ANGPT1: variants seen among roughly 807,000 people sequenced by gnomAD.
ANGPT1 encodes angiopoietin-1.
A neutral mutation model predicts 62.2 loss-of-function variants in ANGPT1; 17 were observed. The ratio of observed to expected loss-of-function variants is 0.27; its 90% CI spans 0.19 to 0.41. ANGPT1 has a LOEUF of 0.41. ANGPT1 is among the 10% of genes least tolerant of loss of function. The probability of loss-of-function intolerance (pLI) is 1.00; values close to 1 mark genes in which losing one functional copy is unlikely to be tolerated. For missense variants in ANGPT1, 478 were observed against 594.9 expected (o/e 0.80, Z 2.04); for synonymous variants, 199 against 198.9 (o/e 1.00, Z 0.00).
At chr8:107,406,660 T>C (rs1817154024) in intron 1 of ANGPT1, among the ~76,000 whole-genome samples, 1 of 152,020 alleles carries the variant, frequency 6.6e-6, no homozygotes, top group African/African-American at 2.4e-5. Flanking sequence ...CAAATCCTGA[T>C]GTGTTGTGAG....
rs546753162 is a variant in ANGPT1 at position 107,497,597 on chromosome 8, C to T, written c.-39G>A. The stretch of plus-strand genomic sequence containing the variant: ...CACTCCTTCCGTGCCTCTCGCAAAA[C>T]TTGCTCCTTTCTTCTGACCTCTAAA... On this transcript the variant is annotated 5_prime_UTR_variant, in exon 1 of 9. Coordinates refer to ENST00000517746, the MANE Select transcript of ANGPT1 (RefSeq NM_001146.5). 1.1e-5 allele frequency: 17 copies of T among 1,586,892 alleles called. No individual in the cohort carries two copies. The African/African-American group carries it at 2.0e-4, about 19-fold the overall frequency.
At chr8:107,439,444 G>A (rs769559988) in intron 1 of ANGPT1, among the ~76,000 whole-genome samples, 9 of 152,188 alleles carry the variant, frequency 5.9e-5, no homozygotes, top group Non-Finnish European at 1.2e-4. Context: ...TTAGGAAGTA[G>A]GAATGTTCTC....
intron 1 of ANGPT1, among the ~76,000 whole-genome samples, chr8:107,424,970 G>T (rs964315591): frequency 1.3e-5 from 2 of 152,160 alleles, no homozygotes; most frequent in South Asian, 2.1e-4. Flanking sequence ...CGCCTCCCGG[G>T]TTCAAGTGAT....
At chr8:107,481,556 A>AAT (rs1812687234) in intron 1 of ANGPT1, among the ~76,000 whole-genome samples, 1 of 144,934 alleles carries the variant, frequency 6.9e-6, no homozygotes, top group Non-Finnish European at 1.5e-5. Context: ...AAAAAAAAAA[A>AAT]GGAAGAAGAA....
chr8:107,382,679 A>G (rs1038819813), intron 1 of ANGPT1, among the ~76,000 whole-genome samples: 1 of 152,160 alleles, frequency 6.6e-6, no homozygotes, highest in African/African-American at 2.4e-5. Flanking sequence ...TTGTAAGCCT[A>G]TGCCAGTCTC....
chr8:107,332,835 A>G (rs746646264), intron 3 of ANGPT1, among the ~76,000 whole-genome samples: 45 of 152,234 alleles, frequency 3.0e-4, no homozygotes, highest in Non-Finnish European at 5.3e-4. Context: ...GACCTGACCA[A>G]CTAAAGGCAT....
Position 107,322,082 on chromosome 8 carries a change from C to T in ANGPT1, c.622G>A (p.Glu208Lys). 1 of 1,613,832 alleles carries T rather than the reference C, an allele frequency of 6.2e-7. No homozygotes were observed. Among genetic ancestry groups the T allele is most frequent in the East Asian group, 2.2e-5 (1 of 44,862 alleles). ...TTCTCTTCCTTTAAGGTGTCCAACT[C>T]TTCCTTGTGTTTTCCTTCCATTTCT... ...ILEMEGKHKE[E>K]LDTLKEEKEN... The change falls in exon 4 of 9, where the codon GAG becomes AAG. Residue 208 changes from glutamate to lysine, a missense_variant. Physicochemically the swap from Glu to Lys is moderately conservative, Grantham distance 56. Coordinates refer to ENST00000517746, the MANE Select transcript of ANGPT1 (RefSeq NM_001146.5).
intron 1 of ANGPT1, among the ~76,000 whole-genome samples, chr8:107,495,549 C>T (rs1325022735): frequency 6.6e-6 from 1 of 152,176 alleles, no homozygotes; most frequent in Non-Finnish European, 1.5e-5. Context: ...TGATTATACG[C>T]TTTAAGCAAA....
intron 1 of ANGPT1, among the ~76,000 whole-genome samples, chr8:107,451,316 G>C (rs62513245): frequency 3.4e-5 from 5 of 148,952 alleles, no homozygotes; most frequent in Non-Finnish European, 7.5e-5. Flanking sequence ...ATACATAACA[G>C]ACACACACAC....
At chr8:107,264,946 G>A (rs1486958626) in intron 7 of ANGPT1, among the ~76,000 whole-genome samples, 1 of 152,080 alleles carries the variant, frequency 6.6e-6, no homozygotes, top group East Asian at 1.9e-4. Flanking sequence ...TGCATTCCCT[G>A]GACAAATATT....
chr8:107,286,607 CAT>C (rs1049058140), intron 6 of ANGPT1, among the ~76,000 whole-genome samples: 122 of 152,112 alleles, frequency 8.0e-4, no homozygotes, highest in African/African-American at 2.9e-3. Flanking sequence ...TTAAAATTAA[CAT>C]ATGTGTACAC....
rs188955876 is a variant in ANGPT1 at position 107,376,836 on chromosome 8, G to A, written c.298-29739C>T. ...AACATTATTTCTAAGCTATCAACATGTAATTTGTGGTTCAGTGTGTCTGGG... is the reference window on the plus strand; with the variant it reads ...AACATTATTTCTAAGCTATCAACATATAATTTGTGGTTCAGTGTGTCTGGG... On this transcript the variant is annotated intron_variant, in intron 1 of 8. Coordinates refer to ENST00000517746, the MANE Select transcript of ANGPT1 (RefSeq NM_001146.5). Among the ~76,000 whole-genome samples the A allele has an allele frequency of 3.8e-3, 586 of 152,292 alleles. 2 individuals are homozygous for A. Among genetic ancestry groups the A allele is most frequent in the Non-Finnish European group, 7.1e-3 (481 of 68,030 alleles).
At chr8:107,308,702 C>G (rs1325245097) in intron 4 of ANGPT1, among the ~76,000 whole-genome samples, 1 of 152,150 alleles carries the variant, frequency 6.6e-6, no homozygotes, top group East Asian at 1.9e-4. Context: ...GCAAATAAAT[C>G]TAGAAAGTCC....
chr8:107,399,365 T>G (rs1816998008), intron 1 of ANGPT1, among the ~76,000 whole-genome samples: 1 of 152,228 alleles, frequency 6.6e-6, no homozygotes, highest in Non-Finnish European at 1.5e-5. Context: ...GTTCCAAGAA[T>G]GTTATAACAT....
chr8:107,292,534 A>T (rs189171900), intron 6 of ANGPT1, among the ~76,000 whole-genome samples: 1,707 of 152,272 alleles, frequency 0.011, 21 homozygotes, highest in Middle Eastern at 0.02. Flanking sequence ...GGTATTTTTT[A>T]TCTAGGTGAA....
chr8:107,382,756 G>A (rs556393683), intron 1 of ANGPT1, among the ~76,000 whole-genome samples: 1 of 152,248 alleles, frequency 6.6e-6, no homozygotes, highest in South Asian at 2.1e-4. Flanking sequence ...AAGTTTTGGA[G>A]TAAATGAGGT....
At chr8:107,421,356 C>T (rs951687984) in intron 1 of ANGPT1, among the ~76,000 whole-genome samples, 4 of 152,130 alleles carry the variant, frequency 2.6e-5, no homozygotes, top group Admixed American at 6.6e-5. Flanking sequence ...AAAAACATTT[C>T]TCTTCAAGCC....
chr8:107,269,169 A>G (rs534526913), intron 7 of ANGPT1, among the ~76,000 whole-genome samples: 1 of 152,196 alleles, frequency 6.6e-6, no homozygotes, highest in African/African-American at 2.4e-5. Context: ...TGCACAGTTC[A>G]GGGGCTCATT....
intron 1 of ANGPT1, among the ~76,000 whole-genome samples, chr8:107,399,027 CT>C (rs1816991829): frequency 6.6e-6 from 1 of 152,168 alleles, no homozygotes; most frequent in Non-Finnish European, 1.5e-5. Context: ...AAAACCCACA[CT>C]TTTCGGAACC....
Sources: allele counts gnomAD v4.1 joint callset (sites outside exome capture counted in the v4.1 genomes callset), GRCh38; gene constraint gnomAD v4.1.1; transcripts MANE v1.5; gene names NCBI Gene and HGNC (gene_info 2026-07-23, HGNC 2026-07-21).